Variants in SDK1 observed in about 807,000 individuals in gnomAD.
The protein encoded by SDK1 is protein sidekick-1.
A neutral mutation model predicts 245.5 loss-of-function variants in SDK1; 157 were observed. The ratio of observed to expected loss-of-function variants is 0.64; its 90% CI spans 0.56 to 0.73. The LOEUF (loss-of-function observed/expected upper bound fraction) is 0.73, where lower values mean the gene tolerates loss of function less well. Among genes scored for constraint, SDK1 ranks in the 30% least tolerant of loss-of-function variants. SDK1 has a pLI of 0.00. For missense variants in SDK1, 3,583 were observed against 3,002.3 expected (o/e 1.19, Z -4.52); for synonymous variants, 1,647 against 1,278.5 (o/e 1.29, Z -6.15).
intron 1 of SDK1, among the ~76,000 whole-genome samples, chr7:3,591,527 C>G (rs1189822242): frequency 2.6e-5 from 4 of 152,210 alleles, no homozygotes; most frequent in South Asian, 2.1e-4. Flanking sequence ...ACTGGCTGTT[C>G]ACATTGACAT....
In SDK1 at chr7:3,738,827, G is replaced by A. The variant is rs566157130; in HGVS notation, c.714-82623G>A. On this transcript the variant is annotated intron_variant, in intron 4 of 44. Transcript: ENST00000404826. ...TTGTTTTCTTAATTTCCTTTTATTTGTTGTTAATGTGTAGAAACACAACTG... is the reference window on the plus strand; with the variant it reads ...TTGTTTTCTTAATTTCCTTTTATTTATTGTTAATGTGTAGAAACACAACTG... 7.3e-4 allele frequency among the ~76,000 whole-genome samples: 110 copies of A among 150,962 alleles called. 1 individual carries two copies. Among genetic ancestry groups the A allele is most frequent in the Non-Finnish European group, 9.4e-4 (64 of 67,810 alleles).
At chr7:3,848,248 ATTT>A (rs1188718416) in intron 5 of SDK1, among the ~76,000 whole-genome samples, 2 of 152,170 alleles carry the variant, frequency 1.3e-5, no homozygotes, top group East Asian at 3.8e-4. Context: ...ATTCAGGGGC[ATTT>A]ATGTTTTGGG....
Position 4,148,746 on chromosome 7 carries a change from C to T in SDK1, c.4424-516C>T, listed in dbSNP as rs925428943. Among the ~76,000 whole-genome samples, 4 of 152,194 alleles carry T rather than the reference C, an allele frequency of 2.6e-5. No individual in the cohort carries two copies. The South Asian group carries it at 8.3e-4, about 32-fold the overall frequency. ...TGTCTGTTGGTCTCTATGAGTAGTG[C>T]ATCCGAAGTCAGCCTTAAGATAGCT... On this transcript the variant is annotated intron_variant, in intron 29 of 44. Coordinates refer to ENST00000404826, the MANE Select transcript of SDK1 (RefSeq NM_152744.4).
At chr7:3,946,326 G>A (rs1780577620) in intron 5 of SDK1, among the ~76,000 whole-genome samples, 1 of 151,966 alleles carries the variant, frequency 6.6e-6, no homozygotes, top group South Asian at 2.1e-4. Flanking sequence ...CACAGGCACA[G>A]ACCACTAAAC....
intron 5 of SDK1, among the ~76,000 whole-genome samples, chr7:3,911,099 G>T (rs1054961138): frequency 2.6e-5 from 4 of 152,176 alleles, no homozygotes; most frequent in Admixed American, 1.3e-4. Context: ...CCGGCTGGAG[G>T]CCTCTGCAGT....
At chr7:3,326,877 C>T (rs1167944826) in intron 1 of SDK1, among the ~76,000 whole-genome samples, 1 of 152,134 alleles carries the variant, frequency 6.6e-6, no homozygotes, top group African/African-American at 2.4e-5. Flanking sequence ...TTATTTACAT[C>T]TGTTTATTAC....
rs1562429103 is a variant in SDK1 at position 3,345,816 on chromosome 7, C to T, written c.298+43932C>T. Among the ~76,000 whole-genome samples, 3 of 152,114 alleles carry T rather than the reference C, an allele frequency of 2.0e-5. No individual in the cohort carries two copies. The South Asian group carries it at 6.2e-4, about 31-fold the overall frequency. On this transcript the variant is annotated intron_variant, in intron 1 of 44. Coordinates refer to ENST00000404826, the MANE Select transcript of SDK1 (RefSeq NM_152744.4). ...AGATTTTTCATATTGAATAGCTTCT[C>T]GCAGTAATGTTTGATCCTTTATGAT...
chr7:3,791,131 A>G (rs1287644178), intron 4 of SDK1, among the ~76,000 whole-genome samples: 6 of 152,024 alleles, frequency 3.9e-5, no homozygotes, highest in African/African-American at 7.3e-5. Flanking sequence ...ACTGGTATGT[A>G]GTAAATATTA....
At chr7:3,559,370 G>T (rs756701453) in intron 1 of SDK1, among the ~76,000 whole-genome samples, 3 of 152,080 alleles carry the variant, frequency 2.0e-5, no homozygotes, top group Non-Finnish European at 4.4e-5. Flanking sequence ...TGTTTATGAA[G>T]ACCTTTGTGG....
chr7:4,251,962 C>G (rs1223276708), intron 44 of SDK1, among the ~76,000 whole-genome samples: 1 of 152,168 alleles, frequency 6.6e-6, no homozygotes, highest in African/African-American at 2.4e-5. Context: ...GTCCTTTGTT[C>G]TATTTATATG....
At chr7:3,505,814 G>C (rs978273969) in intron 1 of SDK1, among the ~76,000 whole-genome samples, 36 of 152,134 alleles carry the variant, frequency 2.4e-4, no homozygotes, top group African/African-American at 8.0e-4. Context: ...GACAACTGCA[G>C]GACTTGAGTA....
intron 4 of SDK1, among the ~76,000 whole-genome samples, chr7:3,669,975 A>C (rs1169390239): frequency 6.6e-6 from 1 of 152,188 alleles, no homozygotes; most frequent in Non-Finnish European, 1.5e-5. Context: ...TATCCTTGAT[A>C]CTTCTTTTTC....
At chr7:3,732,203 T>A (rs1205300023) in intron 4 of SDK1, among the ~76,000 whole-genome samples, 2 of 152,122 alleles carry the variant, frequency 1.3e-5, no homozygotes, top group East Asian at 3.9e-4. Context: ...TGTAGGGAAT[T>A]GGTAAACTCC....
At chr7:3,788,855 C>G (rs144584061) in intron 4 of SDK1, among the ~76,000 whole-genome samples, 2 of 152,264 alleles carry the variant, frequency 1.3e-5, no homozygotes, top group East Asian at 3.9e-4. Context: ...AGACAGAATT[C>G]AGGGCTGAGC....
At chr7:3,998,579 C>A (rs953841429) in intron 14 of SDK1, among the ~76,000 whole-genome samples, 2 of 152,144 alleles carry the variant, frequency 1.3e-5, no homozygotes, top group African/African-American at 4.8e-5. Context: ...AAGGCCCTGC[C>A]CCCTGGACAG....
At position 4,213,283 on chromosome 7, in the gene SDK1, C is replaced by T. The variant is rs566899613; in HGVS notation, c.5539+3121C>T. ...AAAAAATTAGCTGGGCATGGTGGCA[C>T]GCACCTGTAATCCCAGCTACTCCAG... On this transcript the variant is annotated intron_variant, in intron 38 of 44. Transcript: ENST00000404826. Among the ~76,000 whole-genome samples, 12 of 151,576 alleles carry T rather than the reference C, an allele frequency of 7.9e-5. No individual in the cohort carries two copies. In the South Asian group the frequency reaches 1.3e-3, roughly 16 times the overall value.
At chr7:3,408,234 G>A (rs537650512) in intron 1 of SDK1, among the ~76,000 whole-genome samples, 1 of 151,930 alleles carries the variant, frequency 6.6e-6, no homozygotes, top group Non-Finnish European at 1.5e-5. Context: ...AGTAGAGATG[G>A]GGTTTCACTA....
At chr7:3,472,037 G>GT (rs1476135867) in intron 1 of SDK1, among the ~76,000 whole-genome samples, 1 of 152,124 alleles carries the variant, frequency 6.6e-6, no homozygotes, top group African/African-American at 2.4e-5. Flanking sequence ...ACCCTCTTGT[G>GT]TTTTTGCTGA....
intron 22 of SDK1, among the ~76,000 whole-genome samples, chr7:4,085,968 C>T (rs913104438): frequency 2.6e-5 from 4 of 152,216 alleles, no homozygotes; most frequent in Admixed American, 2.0e-4. Flanking sequence ...ACAGAAGTTT[C>T]TGTTCATTTG....
Sources: allele counts gnomAD v4.1 joint callset (sites outside exome capture counted in the v4.1 genomes callset), GRCh38; gene constraint gnomAD v4.1.1; transcripts MANE v1.5; gene names NCBI Gene and HGNC (gene_info 2026-07-23, HGNC 2026-07-21).